The following DNM2 variants were observed in gnomAD, a reference collection of about 807,000 sequenced individuals.
The protein encoded by DNM2 is dynamin 2, also known as dynamin-2.
A neutral mutation model predicts 99.0 loss-of-function variants in DNM2; 15 were observed. The observed-to-expected ratio is 0.15, with a 90% CI of 0.10 to 0.23. DNM2 has a LOEUF of 0.23. Among genes scored for constraint, DNM2 ranks in the 10% least tolerant of loss-of-function variants. The pLI is 1.00. For missense variants in DNM2, 742 were observed against 1,189.4 expected (o/e 0.62, Z 5.53); for synonymous variants, 525 against 481.2 (o/e 1.09, Z -1.19).
intron 2 of DNM2, among the ~76,000 whole-genome samples, chr19:10,767,767 G>A (rs573601553): frequency 6.0e-4 from 91 of 152,306 alleles, no homozygotes; most frequent in Non-Finnish European, 1.0e-3. Flanking sequence ...TTAGCCAGGC[G>A]TGGTGGCATG....
intron 1 of DNM2, among the ~76,000 whole-genome samples, chr19:10,726,927 C>T (rs2069135415): frequency 6.6e-6 from 1 of 152,102 alleles, no homozygotes; most frequent in Non-Finnish European, 1.5e-5. Flanking sequence ...TCCAGACAAC[C>T]GACTATCAAC....
intron 1 of DNM2, among the ~76,000 whole-genome samples, chr19:10,745,898 C>T (rs1031610672): frequency 1.3e-5 from 2 of 152,178 alleles, no homozygotes; most frequent in East Asian, 1.9e-4. Context: ...GATGGTCTTT[C>T]GAAGCAGGAG....
chr19:10,772,189 C>G lies in DNM2; in HGVS notation c.236-290C>G, dbSNP rs1370408489. On this transcript the variant is annotated intron_variant, in intron 2 of 20. Coordinates refer to ENST00000389253, the MANE Select transcript of DNM2 (RefSeq NM_001005361.3). This position sits in a 1 kb window ranked among gnomAD's most constrained non-coding sequence, Gnocchi z 4.9. ...CCGCCTCCCGGGTTCAAGCAATTAT[C>G]CTGCCTCAGCCTCCTGAGTAGCTGA... 1.3e-5 allele frequency among the ~76,000 whole-genome samples: 2 copies of G among 151,844 alleles called. No homozygotes were observed. Among genetic ancestry groups the G allele is most frequent in the Non-Finnish European group, 2.9e-5 (2 of 67,988 alleles).
At chr19:10,797,306 C>T (rs1319791371) in intron 9 of DNM2, 74 bp from the exon 10 acceptor site, 1 of 1,591,364 alleles carries the variant, frequency 6.3e-7, no homozygotes, top group Non-Finnish European at 8.5e-7. Context: ...TTCTCTCTGT[C>T]TCCTGTCCTG....
chr19:10,816,962 A>G lies in DNM2; in HGVS notation c.1672-3018A>G, dbSNP rs2072764582. Among the ~76,000 whole-genome samples the G allele has an allele frequency of 6.6e-6, 1 of 152,170 alleles. No individual in the cohort carries two copies. Among genetic ancestry groups the G allele is most frequent in the African/African-American group, 2.4e-5 (1 of 41,444 alleles). ...GGGAGAAGGGCCGGGCGCCGGCCGT[A>G]ATGAGAAACAGCCGACCTGTGAAAG... On this transcript the variant is annotated intron_variant, in intron 15 of 20. Transcript: ENST00000389253. The surrounding 1 kb of genome is among the most constrained non-coding windows in gnomAD (Gnocchi z 4.6).
intron 10 of DNM2, among the ~76,000 whole-genome samples, chr19:10,797,987 T>C (rs1165873067): frequency 6.6e-6 from 1 of 152,054 alleles, no homozygotes; most frequent in African/African-American, 2.4e-5. Context: ...AGATGAAGCC[T>C]GGGGAGGTGG....
chr19:10,759,057 T>G (rs2070526587), intron 1 of DNM2, among the ~76,000 whole-genome samples: 1 of 152,150 alleles, frequency 6.6e-6, no homozygotes, highest in Admixed American at 6.5e-5. Flanking sequence ...TCCTCCTCTC[T>G]CAGCCTCTCT....
At chr19:10,797,259 C>A (rs564754701) in intron 9 of DNM2, 121 bp from the exon 10 acceptor site, 4 of 1,420,878 alleles carry the variant, frequency 2.8e-6, no homozygotes, top group Non-Finnish European at 3.8e-6. Context: ...CAGGCTCCCC[C>A]ATGCATGGAC....
intron 16 of DNM2, among the ~76,000 whole-genome samples, chr19:10,822,586 C>T (rs1485229816): frequency 1.3e-5 from 2 of 151,916 alleles, no homozygotes; most frequent in African/African-American, 4.8e-5. Context: ...GCAACTTCCA[C>T]CTCCCAGGTT....
chr19:10,776,037 ATG>A, intron 4 of DNM2, 131 bp downstream of exon 4: 1 of 1,171,338 alleles, frequency 8.5e-7, no homozygotes. Flanking sequence ...CTCCTGGAAC[ATG>A]GCACTTCCTC....
At chr19:10,723,988 G>A (rs1193362412) in intron 1 of DNM2, among the ~76,000 whole-genome samples, 1 of 152,094 alleles carries the variant, frequency 6.6e-6, no homozygotes, top group East Asian at 1.9e-4. Context: ...GGAGGCTGAG[G>A]CCGGAGGATG....
intron 2 of DNM2, among the ~76,000 whole-genome samples, chr19:10,767,731 C>A (rs540759051): frequency 6.6e-6 from 1 of 152,128 alleles, no homozygotes; most frequent in Non-Finnish European, 1.5e-5. Flanking sequence ...CATGGTGAAA[C>A]CTCATCTTTA....
At chr19:10,799,033 G>A (rs181387248) in intron 11 of DNM2, among the ~76,000 whole-genome samples, 84 of 152,242 alleles carry the variant, frequency 5.5e-4, no homozygotes, top group African/African-American at 1.7e-3. Flanking sequence ...CGAGACCAAC[G>A]TGGGCAACAT....
At chr19:10,724,056 C>T (rs1360095727) in intron 1 of DNM2, among the ~76,000 whole-genome samples, 1 of 150,228 alleles carries the variant, frequency 6.7e-6, no homozygotes, top group African/African-American at 2.5e-5. Context: ...TGCCTTCCAG[C>T]CTGGGCGGAA....
intron 1 of DNM2, among the ~76,000 whole-genome samples, chr19:10,733,285 G>T (rs528716757): frequency 6.7e-6 from 1 of 149,234 alleles, no homozygotes; most frequent in Non-Finnish European, 1.5e-5. Flanking sequence ...TCCCCCTCTC[G>T]GGCTCAAACC....
At chr19:10,785,299 T>G (rs556792745) in intron 6 of DNM2, among the ~76,000 whole-genome samples, 2 of 151,920 alleles carry the variant, frequency 1.3e-5, no homozygotes, top group African/African-American at 2.4e-5. Context: ...TTTTTTTTTT[T>G]TGTATTTTTA....
chr19:10,781,808 C>T (rs536411744), intron 5 of DNM2: 1 of 152,168 alleles, frequency 6.6e-6, no homozygotes, highest in East Asian at 1.9e-4. Flanking sequence ...AGGCATTCCA[C>T]TTGGATTCTT....
chr19:10,830,259 A>G lies in DNM2; in HGVS notation c.2424A>G (p.Pro808=), dbSNP rs1460461867. 6.2e-7 allele frequency: 1 copy of G among 1,613,256 alleles called. No homozygotes were observed. The highest frequency in any genetic ancestry group is 1.1e-5 in the South Asian group (1 of 91,026). ...CAGCAGCCTCCTTCTCGGCGCCCCC[A>G]ATCCCATCCCGGCCTGGACCCCAGA... ...VGAAASFSAP[P]IPSRPGPQSV... The change falls in exon 20 of 21, where the codon CCA becomes CCG. Residue 808 remains proline (P), a synonymous_variant. Transcript: ENST00000389253. The surrounding 1 kb of genome is among the most constrained non-coding windows in gnomAD (Gnocchi z 4.8).
chr19:10,731,927 T>G (rs983918050), intron 1 of DNM2, among the ~76,000 whole-genome samples: 1 of 150,926 alleles, frequency 6.6e-6, no homozygotes, highest in South Asian at 2.1e-4. Flanking sequence ...CTCCCAGCAC[T>G]GGGTGAAAAT....
Sources: gnomAD v4.1 joint callset for allele counts (sites outside exome capture counted in the v4.1 genomes callset) on GRCh38, gnomAD v4.1.1 for gene constraint, Gnocchi (gnomAD v3.1) non-coding constraint, MANE v1.5 for transcripts, NCBI Gene and HGNC (gene_info 2026-07-23, HGNC 2026-07-21) for gene names.